The following RTN3 variants were observed in gnomAD, a reference collection of about 807,000 sequenced individuals.
The protein encoded by RTN3 is reticulon-3.
A neutral mutation model predicts 77.8 loss-of-function variants in RTN3; 49 were observed. The ratio of observed to expected loss-of-function variants is 0.63; its 90% CI spans 0.50 to 0.80. The LOEUF is 0.80. RTN3 is among the 30% of genes least tolerant of loss of function. The pLI is 0.00. For synonymous variants in RTN3, 464 were observed against 446.9 expected (o/e 1.04, Z -0.48); for missense variants, 1,236 against 1,211.9 (o/e 1.02, Z -0.29).
chr11:63,737,781 C>T (rs867835123), intron 3 of RTN3, among the ~76,000 whole-genome samples: 9 of 152,174 alleles, frequency 5.9e-5, no homozygotes, highest in African/African-American at 2.2e-4. Context: ...GAACAAACAA[C>T]TATTTTTTCT....
Position 63,720,677 on chromosome 11 carries a change from T to A in RTN3, c.2175T>A (p.Val725=), listed in dbSNP as rs1443839122. The stretch of plus-strand genomic sequence containing the variant: ...CAAATGGAAGTGAGCCTCTAGGTGT[T>A]TTCCCTACCCAAGGTACTCCAGTAG... ...KETNGSEPLG[V]FPTQGTPVAS... The change falls in exon 3 of 9, where the codon GTT becomes GTA. Residue 725 remains valine (V), a synonymous_variant. Transcript: ENST00000377819. 6.2e-7 allele frequency: 1 copy of A among 1,614,030 alleles called. No individual in the cohort carries two copies. The highest frequency in any genetic ancestry group is 1.3e-5 in the African/African-American group (1 of 74,916).
intron 3 of RTN3, among the ~76,000 whole-genome samples, chr11:63,724,484 C>CTTTTT (rs34237318): frequency 2.4e-5 from 2 of 81,758 alleles, no homozygotes; most frequent in African/African-American, 4.6e-5. Flanking sequence ...GTGCCCGGCC[C>CTTTTT]TTTTTTTTTT....
chr11:63,740,067 C>T (rs1333153837), intron 3 of RTN3, among the ~76,000 whole-genome samples: 1 of 152,108 alleles, frequency 6.6e-6, no homozygotes, highest in African/African-American at 2.4e-5. Flanking sequence ...GTTGATAACT[C>T]CCAAATCTAT....
chr11:63,757,113 A>C (rs902623517), intron 8 of RTN3, among the ~76,000 whole-genome samples: 1 of 152,216 alleles, frequency 6.6e-6, no homozygotes, highest in Non-Finnish European at 1.5e-5. Flanking sequence ...ATTTAAGCCA[A>C]ACGTATCCCT....
chr11:63,688,593 T>TAAACAACC (rs1387998428), intron 1 of RTN3, among the ~76,000 whole-genome samples: 1 of 152,184 alleles, frequency 6.6e-6, no homozygotes, highest in African/African-American at 2.4e-5. Flanking sequence ...CTGATCAAAT[T>TAAACAACC]AAACAACCAA....
chr11:63,749,566 C>T (rs181588904), intron 3 of RTN3, among the ~76,000 whole-genome samples: 17 of 152,338 alleles, frequency 1.1e-4, no homozygotes, highest in Admixed American at 7.2e-4. Context: ...ATCATCCTTT[C>T]TGCCAAACTA....
At position 63,719,767 on chromosome 11, in the gene RTN3, C is replaced by T; in HGVS notation, c.1265C>T (p.Pro422Leu). 1 of 1,614,160 alleles carries T rather than the reference C, an allele frequency of 6.2e-7. No individual in the cohort carries two copies. Among genetic ancestry groups the T allele is most frequent in the South Asian group, 1.1e-5 (1 of 91,066 alleles). Reference sequence around the variant, plus strand: ...AATGCTATTACTGGAAAACCTGTACCTGACTCTTTGAATTCCACAAAAGAA... The same window carrying T: ...AATGCTATTACTGGAAAACCTGTACTTGACTCTTTGAATTCCACAAAAGAA... Reference protein sequence around the residue: ...QENAITGKPVPDSLNSTKEFS... With the variant: ...QENAITGKPVLDSLNSTKEFS... The change falls in exon 3 of 9, where the codon CCT becomes CTT. Residue 422 changes from proline to leucine, a missense_variant. This residue lies in a region of RTN3 where 1,056 missense variants were observed against 990.4 expected (regional missense o/e 1.07). Transcript: ENST00000377819.
intron 4 of RTN3, among the ~76,000 whole-genome samples, chr11:63,750,775 A>G (rs1287485136): frequency 6.6e-6 from 1 of 151,286 alleles, no homozygotes; most frequent in Non-Finnish European, 1.5e-5. Flanking sequence ...TCTGTCGCCC[A>G]GGCTGGAGTG....
intron 3 of RTN3, among the ~76,000 whole-genome samples, chr11:63,736,476 T>C (rs1590866097): frequency 6.6e-6 from 1 of 152,024 alleles, no homozygotes; most frequent in South Asian, 2.1e-4. Flanking sequence ...TCACCTGAGG[T>C]AGGAGTTCAA....
chr11:63,694,238 G>A (rs993216947), intron 1 of RTN3, among the ~76,000 whole-genome samples: 9 of 150,958 alleles, frequency 6.0e-5, no homozygotes, highest in Non-Finnish European at 8.9e-5. Flanking sequence ...GTGCAATGGC[G>A]TGATCTCGGC....
At chr11:63,709,887 A>G (rs1942667317) in intron 2 of RTN3, among the ~76,000 whole-genome samples, 2 of 152,322 alleles carry the variant, frequency 1.3e-5, no homozygotes, top group South Asian at 2.1e-4. Context: ...TAGTTATTCC[A>G]TGTTATAGAT....
intron 1 of RTN3, among the ~76,000 whole-genome samples, chr11:63,702,298 T>A (rs377415313): frequency 5.9e-5 from 9 of 151,430 alleles, no homozygotes; most frequent in Non-Finnish European, 1.3e-4. Context: ...TTGGTTTTGG[T>A]TTTTTTTGTT....
chr11:63,720,113 A>G lies in RTN3; in HGVS notation c.1611A>G (p.Arg537=). 6.2e-7 allele frequency: 1 copy of G among 1,613,202 alleles called. No homozygotes were observed. Among genetic ancestry groups the G allele is most frequent in the Non-Finnish European group, 8.5e-7 (1 of 1,179,758 alleles). ...GTGCTGTTGTAAAAACAGGTGAAAG[A>G]GAAATCAAAGAGATTCCCAGTTGTG... ...IPSAVVKTGE[R]EIKEIPSCER... is the part of the protein sequence containing the mutation. Residue 537 remains arginine, a synonymous_variant, in exon 3 of 9, where the codon AGA becomes AGG. Transcript: ENST00000377819.
intron 3 of RTN3, among the ~76,000 whole-genome samples, chr11:63,742,611 C>T (rs1183178796): frequency 1.3e-5 from 2 of 152,040 alleles, no homozygotes; most frequent in Non-Finnish European, 2.9e-5. Context: ...TGCCACTGCA[C>T]TCCAGCCTGG....
intron 1 of RTN3, among the ~76,000 whole-genome samples, chr11:63,689,382 AT>A (rs1230421831): frequency 6.6e-6 from 1 of 152,194 alleles, no homozygotes; most frequent in Non-Finnish European, 1.5e-5. Flanking sequence ...TATGGTGTTG[AT>A]GTTTTGAAAG....
intron 3 of RTN3, among the ~76,000 whole-genome samples, chr11:63,723,973 A>C (rs187457823): frequency 4.6e-5 from 7 of 152,236 alleles, no homozygotes; most frequent in Admixed American, 2.6e-4. Flanking sequence ...TAGTTTGGGG[A>C]AGAAAATCAG....
intron 1 of RTN3, among the ~76,000 whole-genome samples, chr11:63,697,179 C>G (rs777516970): frequency 6.6e-6 from 1 of 151,998 alleles, no homozygotes; most frequent in African/African-American, 2.4e-5. Flanking sequence ...CCATCGCGCC[C>G]GGCCCCGTTG....
intron 1 of RTN3, among the ~76,000 whole-genome samples, chr11:63,682,652 G>C (rs918474094): frequency 2.0e-5 from 3 of 151,676 alleles, no homozygotes; most frequent in Non-Finnish European, 4.4e-5. Flanking sequence ...TTGCAGAAAG[G>C]GGGAGGGGGA....
intron 1 of RTN3, among the ~76,000 whole-genome samples, chr11:63,686,247 G>C (rs1380966438): frequency 1.3e-5 from 2 of 152,054 alleles, no homozygotes; most frequent in African/African-American, 4.8e-5. Flanking sequence ...GAGGCAGGCG[G>C]ATCACGAGGT....
Sources: gnomAD v4.1 joint callset for allele counts (sites outside exome capture counted in the v4.1 genomes callset) on GRCh38, gnomAD v4.1.1 for gene constraint, gnomAD v4.1.1 regional missense constraint, MANE v1.5 for transcripts, NCBI Gene and HGNC (gene_info 2026-07-23, HGNC 2026-07-21) for gene names.